Variants in INTU observed in about 807,000 individuals in gnomAD.
INTU encodes the protein protein inturned.
In INTU, 68 loss-of-function variants were observed where a neutral mutation model predicts 100.5. That is an observed-to-expected ratio of 0.68 (90% CI 0.56 to 0.83). The LOEUF is 0.83. Among genes scored for constraint, INTU ranks in the 40% least tolerant of loss-of-function variants. INTU has a pLI of 0.00. For synonymous variants in INTU, 357 were observed against 395.7 expected (o/e 0.90, Z 1.16); for missense variants, 1,071 against 1,114.7 (o/e 0.96, Z 0.56).
At chr4:127,640,768 T>C (rs1381632717) in intron 1 of INTU, among the ~76,000 whole-genome samples, 4 of 151,524 alleles carry the variant, frequency 2.6e-5, no homozygotes, top group African/African-American at 9.7e-5. Flanking sequence ...AGAAATTATA[T>C]ATGTACTTTA....
At chr4:127,663,179 T>C (rs1041372958) in intron 3 of INTU, among the ~76,000 whole-genome samples, 1 of 152,152 alleles carries the variant, frequency 6.6e-6, no homozygotes, top group Non-Finnish European at 1.5e-5. Context: ...TTTGTGGTAA[T>C]ATGTATCAGA....
At position 127,674,133 on chromosome 4, in the gene INTU, C is replaced by T. The variant is rs1729063486; in HGVS notation, c.1101C>T (p.Leu367=). ...VTGTQVTSSS[L]LLNGKQIHVA... is the part of the protein sequence containing the mutation. ...ATATATTGTTTCTTAGTTCATCCCT[C>T]CTTTTAAATGGAAAACAAATTCATG... Residue 367 remains leucine (L), a synonymous_variant, in exon 6 of 16, where the codon CTC becomes CTT. Coordinates refer to ENST00000335251, the MANE Select transcript of INTU (RefSeq NM_015693.4). The T allele has an allele frequency of 6.2e-7, 1 of 1,608,788 alleles. No individual in the cohort carries two copies. Among genetic ancestry groups the T allele is most frequent in the South Asian group, 1.1e-5 (1 of 89,978 alleles).
At chr4:127,674,704 A>G (rs889611614) in intron 6 of INTU, among the ~76,000 whole-genome samples, 1 of 152,170 alleles carries the variant, frequency 6.6e-6, no homozygotes, top group Non-Finnish European at 1.5e-5. Context: ...TTTTGTGAGT[A>G]TTTTGAAGTA....
intron 15 of INTU, among the ~76,000 whole-genome samples, chr4:127,715,977 A>G (rs1198941950): frequency 6.6e-6 from 1 of 152,194 alleles, no homozygotes; most frequent in Non-Finnish European, 1.5e-5. Context: ...TAAACATTAG[A>G]AAGTAAAGAG....
At chr4:127,691,569 G>A (rs984557190) in intron 8 of INTU, among the ~76,000 whole-genome samples, 6 of 152,034 alleles carry the variant, frequency 3.9e-5, no homozygotes, top group Non-Finnish European at 8.8e-5. Flanking sequence ...CTTGTTTGGT[G>A]AAGTGTTTGT....
intron 12 of INTU, among the ~76,000 whole-genome samples, chr4:127,707,767 C>A (rs906427986): frequency 2.0e-5 from 3 of 152,082 alleles, no homozygotes; most frequent in Non-Finnish European, 4.4e-5. Flanking sequence ...TTTTTCAGAT[C>A]ATTTTTCCTA....
intron 3 of INTU, among the ~76,000 whole-genome samples, chr4:127,657,194 T>C (rs1728270673): frequency 6.6e-6 from 1 of 152,190 alleles, no homozygotes; most frequent in Non-Finnish European, 1.5e-5. Flanking sequence ...CCTGGACTTT[T>C]GTTTGGCTAC....
intron 2 of INTU, among the ~76,000 whole-genome samples, chr4:127,646,898 G>A (rs1270567903): frequency 2.6e-5 from 4 of 152,126 alleles, no homozygotes; most frequent in Non-Finnish European, 5.9e-5. Flanking sequence ...GTATAAAATG[G>A]CAGTATAGTA....
In INTU at chr4:127,643,985, A is replaced by T. The variant is rs752080826; in HGVS notation, c.611A>T (p.Asp204Val). The T allele has an allele frequency of 2.5e-6, 4 of 1,614,216 alleles. No homozygotes were observed. The highest frequency in any genetic ancestry group is 3.4e-6 in the Non-Finnish European group (4 of 1,180,026). The change falls in exon 2 of 16, where the codon GAT becomes GTT. Residue 204 changes from aspartate to valine, a missense_variant. Coordinates refer to ENST00000335251, the MANE Select transcript of INTU (RefSeq NM_015693.4). ...WSWRRTGKQGDGERLVVHGLL... is the reference protein window; with the variant it reads ...WSWRRTGKQGVGERLVVHGLL... ...TGGAGAAGAACCGGAAAGCAGGGTG[A>T]TGGAGAGAGGCTTGTGGTTCATGGC...
At chr4:127,703,000 G>C (rs938514199) in intron 9 of INTU, among the ~76,000 whole-genome samples, 2 of 152,106 alleles carry the variant, frequency 1.3e-5, no homozygotes, top group East Asian at 3.9e-4. Context: ...TTTGGTTCCT[G>C]CTCCATGGTC....
chr4:127,646,146 C>T (rs1017487693), intron 2 of INTU, among the ~76,000 whole-genome samples: 8 of 149,670 alleles, frequency 5.3e-5, no homozygotes, highest in African/African-American at 7.4e-5. Flanking sequence ...ATTGTACCAC[C>T]GCACTCCAGC....
At chr4:127,666,977 T>A (rs1269772488) in intron 4 of INTU, among the ~76,000 whole-genome samples, 1 of 152,226 alleles carries the variant, frequency 6.6e-6, no homozygotes, top group African/African-American at 2.4e-5. Flanking sequence ...ACATTTTTTT[T>A]ATTTTCTGTG....
chr4:127,707,161 G>A (rs1730917564), intron 12 of INTU, among the ~76,000 whole-genome samples, 192 bp downstream of exon 12: 1 of 151,998 alleles, frequency 6.6e-6, no homozygotes, highest in Non-Finnish European at 1.5e-5. Context: ...GTGGCAGATT[G>A]CTAGAGGCCA....
At chr4:127,695,489 G>A (rs34066758) in intron 8 of INTU, among the ~76,000 whole-genome samples, 1 of 151,950 alleles carries the variant, frequency 6.6e-6, no homozygotes, top group Admixed American at 6.6e-5. Context: ...TGTCTATAGT[G>A]TCAGCTACTC....
At chr4:127,692,279 A>G (rs998137223) in intron 8 of INTU, among the ~76,000 whole-genome samples, 1 of 151,666 alleles carries the variant, frequency 6.6e-6, no homozygotes, top group Non-Finnish European at 1.5e-5. Flanking sequence ...TATTATGGCC[A>G]TTGTTGCAGG....
intron 3 of INTU, among the ~76,000 whole-genome samples, chr4:127,663,174 G>C (rs1435160152): frequency 6.6e-6 from 1 of 151,850 alleles, no homozygotes; most frequent in Non-Finnish European, 1.5e-5. Flanking sequence ...AAATATTTGT[G>C]GTAATATGTA....
At chr4:127,661,114 T>C (rs1475033328) in intron 3 of INTU, among the ~76,000 whole-genome samples, 1 of 152,170 alleles carries the variant, frequency 6.6e-6, no homozygotes, top group Admixed American at 6.6e-5. Context: ...CTGAAATAGT[T>C]CCCTAAGGAA....
intron 6 of INTU, among the ~76,000 whole-genome samples, chr4:127,681,638 A>G (rs1729557996): frequency 1.3e-5 from 2 of 152,206 alleles, no homozygotes; most frequent in Non-Finnish European, 2.9e-5. Context: ...TAGACCTAAA[A>G]CCATAAAAAC....
At chr4:127,667,298 A>G (rs1028657359) in intron 4 of INTU, among the ~76,000 whole-genome samples, 1 of 152,164 alleles carries the variant, frequency 6.6e-6, no homozygotes, top group African/African-American at 2.4e-5. Context: ...CTTATTGAAC[A>G]GAGTGGAAGC....
Sources: gnomAD v4.1 joint callset for allele counts (sites outside exome capture counted in the v4.1 genomes callset) on GRCh38, gnomAD v4.1.1 for gene constraint, MANE v1.5 for transcripts, NCBI Gene and HGNC (gene_info 2026-07-23, HGNC 2026-07-21) for gene names.